The following ANGPT2 variants were observed in gnomAD, a reference collection of about 807,000 sequenced individuals.
The protein encoded by ANGPT2 is angiopoietin 2.
A neutral mutation model predicts 62.9 loss-of-function variants in ANGPT2; 28 were observed. The ratio of observed to expected loss-of-function variants is 0.44; its 90% CI spans 0.33 to 0.61. The LOEUF (loss-of-function observed/expected upper bound fraction) is 0.61. Ranked by LOEUF, ANGPT2 falls within the 20% of genes least tolerant of loss-of-function variation. The pLI is 0.03. For synonymous variants in ANGPT2, 284 were observed against 207.8 expected, an observed-to-expected ratio of 1.37 and a Z score of -3.15; for missense variants, 727 against 594.9, an observed-to-expected ratio of 1.22 and a Z score of -2.31.
rs371310213 is a variant in ANGPT2 at position 6,499,843 on chromosome 8, C to T, written c.*3258G>A. 1.7e-5 allele frequency: 28 copies of T among 1,611,996 alleles called. No homozygotes were observed. The African/African-American group carries it at 2.8e-4, about 16-fold the overall frequency. ...TGTATAATAAATCTGCTTGTTGTGT[C>T]ACTTGCAGGTGCTATGGTCTTTAGA... is the stretch of plus-strand genomic sequence containing the variant. On this transcript the variant is annotated 3_prime_UTR_variant, in exon 9 of 9. Coordinates refer to ENST00000629816, the MANE Select transcript of ANGPT2 (RefSeq NM_001118887.2).
At chr8:6,520,860 A>G (rs1436487840) in intron 4 of ANGPT2, among the ~76,000 whole-genome samples, 1 of 152,216 alleles carries the variant, frequency 6.6e-6, no homozygotes, top group African/African-American at 2.4e-5. Flanking sequence ...TATTTTTCCC[A>G]TGTAAAACCT....
chr8:6,536,870 G>A (rs1316021262), intron 1 of ANGPT2, among the ~76,000 whole-genome samples: 1 of 150,858 alleles, frequency 6.6e-6, no homozygotes, highest in Non-Finnish European at 1.5e-5. Context: ...TTTCTGTTTA[G>A]TGTCTCTCTT....
At chr8:6,506,839 C>T (rs921390367) in intron 8 of ANGPT2, among the ~76,000 whole-genome samples, 1 of 149,442 alleles carries the variant, frequency 6.7e-6, no homozygotes, top group South Asian at 2.1e-4. Context: ...AATTTAAAGA[C>T]ATGAAAATTA....
At position 6,513,811 on chromosome 8, in the gene ANGPT2, C is replaced by G; in HGVS notation, c.1063G>C (p.Gly355Arg). ...GTCAGTTGCGAAACAAACTCATTTC[C>G]CAGCCAATATTCTCCTGAAGGGTTA... is the stretch of plus-strand genomic sequence containing the variant. ...FGNPSGEYWL[G>R]NEFVSQLTNQ... Residue 355 changes from glycine (G) to arginine (R), a missense_variant, in exon 7 of 9, where the codon GGA becomes CGA. Coordinates refer to ENST00000629816, the MANE Select transcript of ANGPT2 (RefSeq NM_001118887.2). The G allele has an allele frequency of 1.2e-6, 2 of 1,613,610 alleles. No homozygotes were observed. Among genetic ancestry groups the G allele is most frequent in the Non-Finnish European group, 1.7e-6 (2 of 1,179,848 alleles).
intron 3 of ANGPT2, among the ~76,000 whole-genome samples, chr8:6,523,096 C>T (rs1817670631): frequency 6.6e-6 from 1 of 151,968 alleles, no homozygotes; most frequent in African/African-American, 2.4e-5. Context: ...CTCCCAGGTT[C>T]AAGCTATTCT....
chr8:6,516,328 CA>C (rs1816265288), intron 5 of ANGPT2, among the ~76,000 whole-genome samples: 1 of 152,174 alleles, frequency 6.6e-6, no homozygotes, highest in Non-Finnish European at 1.5e-5. Flanking sequence ...GCTGTAGTAT[CA>C]TAATTCTGCA....
At position 6,562,890 on chromosome 8, in the gene ANGPT2, C is replaced by G. The variant is rs774784389; in HGVS notation, c.45G>C (p.Leu15Phe). Residue 15 changes from leucine to phenylalanine, a missense_variant, in exon 1 of 9, where the codon TTG becomes TTC. Physicochemically the swap from Leu to Phe is conservative, Grantham distance 22. Coordinates refer to ENST00000629816, the MANE Select transcript of ANGPT2 (RefSeq NM_001118887.2). Reference protein sequence around the residue: ...VFFTLSCDLVLAAAYNNFRKS... With the variant: ...VFFTLSCDLVFAAAYNNFRKS... ...TCCGAAAGTTGTTATAGGCTGCGGC[C>G]AAGACAAGATCACAGCTCAGAGTAA... 1 of 1,608,670 alleles carries G rather than the reference C, an allele frequency of 6.2e-7. No individual in the cohort carries two copies. Among genetic ancestry groups the G allele is most frequent in the Non-Finnish European group, 8.5e-7 (1 of 1,175,578 alleles).
intron 1 of ANGPT2, among the ~76,000 whole-genome samples, chr8:6,550,447 C>G (rs1480897632): frequency 3.9e-5 from 6 of 152,230 alleles, no homozygotes; most frequent in Admixed American, 3.9e-4. Flanking sequence ...GCCAACCACT[C>G]AGCATCCAGC....
intron 1 of ANGPT2, among the ~76,000 whole-genome samples, chr8:6,549,367 C>T (rs1232595073): frequency 6.6e-6 from 1 of 152,194 alleles, no homozygotes; most frequent in African/African-American, 2.4e-5. Flanking sequence ...CTGATTGTTC[C>T]AATTACATGA....
intron 1 of ANGPT2, among the ~76,000 whole-genome samples, chr8:6,552,582 T>C (rs1232165562): frequency 6.6e-6 from 1 of 152,222 alleles, no homozygotes; most frequent in Non-Finnish European, 1.5e-5. Flanking sequence ...GATAAGTGTC[T>C]TTCTGGTGTT....
intron 1 of ANGPT2, among the ~76,000 whole-genome samples, chr8:6,553,665 A>ATT (rs752171739): frequency 1.4e-5 from 2 of 142,926 alleles, no homozygotes; most frequent in Admixed American, 7.0e-5. Flanking sequence ...TGGTCTCAAA[A>ATT]TTTTTTTTTT....
intron 8 of ANGPT2, among the ~76,000 whole-genome samples, chr8:6,507,367 C>G (rs551011811): frequency 4.8e-4 from 73 of 152,248 alleles, no homozygotes; most frequent in Non-Finnish European, 8.5e-4. Context: ...AGAAATTAAA[C>G]CCTGCCAATT....
intron 1 of ANGPT2, among the ~76,000 whole-genome samples, chr8:6,557,204 GTGTTTGC>G (rs1563123136): frequency 1.3e-5 from 2 of 152,084 alleles, no homozygotes; most frequent in African/African-American, 4.8e-5. Context: ...GTGCTTTCCC[GTGTTTGC>G]TTTACCGCTG....
At chr8:6,520,814 C>A (rs1355990162) in intron 4 of ANGPT2, among the ~76,000 whole-genome samples, 1 of 152,194 alleles carries the variant, frequency 6.6e-6, no homozygotes, top group Non-Finnish European at 1.5e-5. Context: ...TGTATTATCT[C>A]ATTTAATCTT....
At chr8:6,508,793 C>T in intron 8 of ANGPT2, 139 bp downstream of exon 8, 1 of 1,212,958 alleles carries the variant, frequency 8.2e-7, no homozygotes, top group South Asian at 1.2e-5. Context: ...AACACATTTA[C>T]CTATATCAAG....
intron 1 of ANGPT2, among the ~76,000 whole-genome samples, chr8:6,545,590 C>T (rs375545928): frequency 2.6e-5 from 4 of 152,158 alleles, no homozygotes; most frequent in Admixed American, 2.6e-4. Context: ...AATGTATATT[C>T]GTAATCTGAC....
Position 6,502,299 on chromosome 8 carries a change from C to T in ANGPT2, c.*802G>A, listed in dbSNP as rs1812339202. The T allele has an allele frequency of 6.6e-6, 1 of 151,902 alleles. No homozygotes were observed. The highest frequency in any genetic ancestry group is 2.4e-5 in the African/African-American group (1 of 41,376). 9.4% of individuals were successfully genotyped at this position (151,902 alleles called of 1,614,324 possible). On this transcript the variant is annotated 3_prime_UTR_variant, in exon 9 of 9. Coordinates refer to ENST00000629816, the MANE Select transcript of ANGPT2 (RefSeq NM_001118887.2). ...ATAAAAGTTAAACATAGGCATATCC[C>T]CTAATAAGTTATATTTAATTACTAA...
chr8:6,516,339 A>T (rs994014917), intron 5 of ANGPT2, among the ~76,000 whole-genome samples: 4 of 152,204 alleles, frequency 2.6e-5, no homozygotes, highest in Non-Finnish European at 5.9e-5. Context: ...ATAATTCTGC[A>T]TTTTTGAAAG....
At chr8:6,541,214 T>A (rs1048171148) in intron 1 of ANGPT2, among the ~76,000 whole-genome samples, 1 of 152,180 alleles carries the variant, frequency 6.6e-6, no homozygotes, top group African/African-American at 2.4e-5. Flanking sequence ...ACCAGAGGGT[T>A]TCCCTGACAC....
Sources: allele counts gnomAD v4.1 joint callset (sites outside exome capture counted in the v4.1 genomes callset), GRCh38; gene constraint gnomAD v4.1.1; transcripts MANE v1.5; gene names NCBI Gene and HGNC (gene_info 2026-07-23, HGNC 2026-07-21).